DPY19L1: variants seen among roughly 807,000 people sequenced by gnomAD.
The protein encoded by DPY19L1 is protein C-mannosyl-transferase DPY19L1.
In DPY19L1, 35 loss-of-function variants were observed where a neutral mutation model predicts 96.9. The observed-to-expected ratio is 0.36, with a 90% CI of 0.28 to 0.48. DPY19L1 has a LOEUF of 0.48. Among genes scored for constraint, DPY19L1 ranks in the 20% least tolerant of loss-of-function variants. The pLI, the probability that DPY19L1 is intolerant of heterozygous loss-of-function variation, is 0.99. For synonymous variants in DPY19L1, 205 were observed against 252.6 expected (o/e 0.81, Z 1.79); for missense variants, 521 against 777.9 (o/e 0.67, Z 3.93).
chr7:34,945,045 G>A (rs1393145532), intron 16 of DPY19L1, among the ~76,000 whole-genome samples: 1 of 152,090 alleles, frequency 6.6e-6, no homozygotes, highest in Non-Finnish European at 1.5e-5. Flanking sequence ...CTATCTTGCA[G>A]GCACTGTATA....
chr7:34,931,653 A>G lies in DPY19L1; in HGVS notation c.2167T>C (p.Leu723=), dbSNP rs1239151490. ...NAGKTPLCNL[L]VKDSKPHFTT... Reference sequence around the variant, plus strand: ...AAGTGAGGTTTGGAATCCTTCACCAAGAGGTTACATAAGGGAGTTTTCCCA... The same window carrying G: ...AAGTGAGGTTTGGAATCCTTCACCAGGAGGTTACATAAGGGAGTTTTCCCA... The change falls in exon 22 of 22, where the codon TTG becomes CTG. Residue 723 remains leucine, a synonymous_variant. Transcript: ENST00000638088. The G allele has an allele frequency of 1.2e-6, 2 of 1,600,398 alleles. No individual in the cohort carries two copies. The highest frequency in any genetic ancestry group is 8.5e-7 in the Non-Finnish European group (1 of 1,174,198).
At chr7:35,026,877 C>CAA (rs1270734709) in intron 1 of DPY19L1, among the ~76,000 whole-genome samples, 1 of 152,176 alleles carries the variant, frequency 6.6e-6, no homozygotes, top group Non-Finnish European at 1.5e-5. Flanking sequence ...TTCAGCCTCT[C>CAA]AGAGTCTCAT....
At position 34,930,127 on chromosome 7, in the gene DPY19L1, A is replaced by T. The variant is rs1486130145; in HGVS notation, c.*1446T>A. On this transcript the variant is annotated 3_prime_UTR_variant, in exon 22 of 22. Transcript: ENST00000638088. ...ACCATGCCTGAGGACTAAGGTCTGA[A>T]GGACAATCCACAATGAGGTTAATCT... 6.6e-6 allele frequency: 1 copy of T among 152,248 alleles called. No homozygotes were observed. The highest frequency in any genetic ancestry group is 6.5e-5 in the Admixed American group (1 of 15,284). 9.4% of individuals were successfully genotyped at this position (152,248 alleles called of 1,614,324 possible). A position where few individuals can be genotyped will look rare whatever the true frequency, so the allele number is the denominator to read the frequency against.
At position 34,944,112 on chromosome 7, in the gene DPY19L1, C is replaced by T. The variant is rs187352275; in HGVS notation, c.1545-1473G>A. Among the ~76,000 whole-genome samples the T allele has an allele frequency of 2.9e-4, 44 of 152,074 alleles. No individual in the cohort carries two copies. The East Asian group carries it at 7.9e-3, about 27-fold the overall frequency. Reference sequence around the variant, plus strand: ...AGGCGCAGTGGCTCATGCCTATAATCCCAGCACTTTGGGAGGCTAAGGCAG... The same window carrying T: ...AGGCGCAGTGGCTCATGCCTATAATTCCAGCACTTTGGGAGGCTAAGGCAG... On this transcript the variant is annotated intron_variant, in intron 16 of 21. Transcript: ENST00000638088.
chr7:34,978,380 TA>T (rs955735116), intron 7 of DPY19L1, among the ~76,000 whole-genome samples: 4 of 152,200 alleles, frequency 2.6e-5, no homozygotes, highest in Non-Finnish European at 5.9e-5. Flanking sequence ...TTAACTATAA[TA>T]ATGCTTTAAA....
intron 6 of DPY19L1, among the ~76,000 whole-genome samples, chr7:34,996,780 A>G (rs1022661389): frequency 1.3e-5 from 2 of 152,014 alleles, no homozygotes; most frequent in East Asian, 1.9e-4. Flanking sequence ...CCCTGCATAC[A>G]CCTCAACTCC....
At chr7:35,028,109 G>C (rs1786170698) in intron 1 of DPY19L1, among the ~76,000 whole-genome samples, 1 of 152,154 alleles carries the variant, frequency 6.6e-6, no homozygotes, top group Admixed American at 6.5e-5. Context: ...AAATGATCTA[G>C]GGGTGCCTTT....
intron 6 of DPY19L1, among the ~76,000 whole-genome samples, chr7:35,003,166 A>G (rs1276059122): frequency 6.6e-6 from 1 of 152,184 alleles, no homozygotes; most frequent in Non-Finnish European, 1.5e-5. Context: ...AGTTTCATAA[A>G]ATGTTTACTT....
At chr7:34,999,866 T>A (rs1262964094) in intron 6 of DPY19L1, among the ~76,000 whole-genome samples, 1 of 152,188 alleles carries the variant, frequency 6.6e-6, no homozygotes, top group Non-Finnish European at 1.5e-5. Context: ...CAGTAAGCAA[T>A]ATTTTTACAG....
chr7:35,001,207 A>G (rs1240090593), intron 6 of DPY19L1, among the ~76,000 whole-genome samples: 1 of 152,224 alleles, frequency 6.6e-6, no homozygotes, highest in Non-Finnish European at 1.5e-5. Context: ...GTCTTCAGTG[A>G]AGATTGGAAT....
chr7:34,944,690 T>C (rs1416862406), intron 16 of DPY19L1, among the ~76,000 whole-genome samples: 2 of 152,190 alleles, frequency 1.3e-5, no homozygotes, highest in Non-Finnish European at 2.9e-5. Flanking sequence ...TGTATCATAG[T>C]AGATATTTTG....
intron 7 of DPY19L1, among the ~76,000 whole-genome samples, chr7:34,983,528 A>C (rs1424598403): frequency 6.9e-6 from 1 of 145,854 alleles, no homozygotes; most frequent in East Asian, 2.1e-4. Context: ...GGAGGGAAGA[A>C]AGGAAGGCAA....
intron 1 of DPY19L1, among the ~76,000 whole-genome samples, chr7:35,032,940 T>A (rs1253950021): frequency 6.6e-6 from 1 of 152,184 alleles, no homozygotes; most frequent in Non-Finnish European, 1.5e-5. Context: ...ACCCTCTTGC[T>A]AGGTCCGTGA....
chr7:34,977,326 G>C (rs10951432), intron 7 of DPY19L1, among the ~76,000 whole-genome samples: 29,827 of 152,066 alleles, frequency 0.2, 3,302 homozygotes, highest in Admixed American at 0.35. Context: ...TGTACAATTT[G>C]AGAATTTTCT....
chr7:34,973,406 G>A (rs1197801700), intron 8 of DPY19L1, 108 bp downstream of exon 8: 3 of 557,880 alleles, frequency 5.4e-6, no homozygotes, highest in South Asian at 1.6e-4. Context: ...ACTAATAACA[G>A]CATCATATTG....
At chr7:34,952,201 C>G (rs190487764) in intron 13 of DPY19L1, among the ~76,000 whole-genome samples, 3 of 149,712 alleles carry the variant, frequency 2.0e-5, no homozygotes, top group African/African-American at 7.3e-5. Flanking sequence ...GAGAAGTCAA[C>G]CAAAGAACAA....
intron 4 of DPY19L1, among the ~76,000 whole-genome samples, chr7:35,011,966 C>G (rs894811042): frequency 6.6e-6 from 1 of 152,314 alleles, no homozygotes; most frequent in South Asian, 2.1e-4. Flanking sequence ...AATGGCTAGA[C>G]AGATCAATAA....
At chr7:34,980,595 T>C (rs1784919703) in intron 7 of DPY19L1, among the ~76,000 whole-genome samples, 1 of 152,164 alleles carries the variant, frequency 6.6e-6, no homozygotes, top group African/African-American at 2.4e-5. Flanking sequence ...AGTTCCCATA[T>C]ATGAATAAAA....
At chr7:34,992,449 C>T (rs1024544295) in intron 6 of DPY19L1, among the ~76,000 whole-genome samples, 11 of 152,014 alleles carry the variant, frequency 7.2e-5, no homozygotes, top group Non-Finnish European at 1.2e-4. Context: ...TTACAACTTC[C>T]GTTCTCAGAT....
Sources: allele counts gnomAD v4.1 joint callset (sites outside exome capture counted in the v4.1 genomes callset), GRCh38; gene constraint gnomAD v4.1.1; transcripts MANE v1.5; gene names NCBI Gene and HGNC (gene_info 2026-07-23, HGNC 2026-07-21).